ESPL1: variants seen among roughly 807,000 people sequenced by gnomAD.
The protein encoded by ESPL1 is separin.
Under a neutral mutation model 217.2 loss-of-function variants are expected in ESPL1, and 50 were observed. The ratio of observed to expected loss-of-function variants is 0.23; its 90% CI spans 0.18 to 0.29. The LOEUF (loss-of-function observed/expected upper bound fraction) is 0.29. Ranked by LOEUF, ESPL1 falls within the 10% of genes least tolerant of loss-of-function variation. The probability of loss-of-function intolerance (pLI) is 1.00; values close to 1 mark genes in which losing one functional copy is unlikely to be tolerated. For synonymous variants in ESPL1, 994 were observed against 1,081.3 expected, an observed-to-expected ratio of 0.92 and a Z score of 1.58; for missense variants, 1,834 against 2,603.0, an observed-to-expected ratio of 0.70 and a Z score of 6.43.
rs1039218171 is a variant in ESPL1, at chr12:53,270,496, A to G, written c.1248+14A>G. The G allele has an allele frequency of 1.9e-6, 3 of 1,597,698 alleles. No homozygotes were observed. Among genetic ancestry groups the G allele is most frequent in the African/African-American group, 1.3e-5 (1 of 74,666 alleles). ...CAAGGCTGTCAGGTACTGTCTGGGA[A>G]TCAAGGTACCTGGACTAGGCTCATA... is the stretch of plus-strand genomic sequence containing the variant. On this transcript the variant is annotated intron_variant, in intron 4 of 30. Transcript: ENST00000257934.
intron 6 of ESPL1, 78 bp downstream of exon 6, chr12:53,272,935 A>G (rs1943701469): frequency 6.7e-7 from 1 of 1,496,756 alleles, no homozygotes; most frequent in Non-Finnish European, 9.1e-7. Context: ...CCTCACCAGC[A>G]CCCTGCCTTG....
At chr12:53,268,897 G>C in intron 2 of ESPL1, 50 bp downstream of exon 2, 1 of 1,545,168 alleles carries the variant, frequency 6.5e-7, no homozygotes. Flanking sequence ...AAACTGAGCT[G>C]TTTTGTGTTT....
chr12:53,290,154 C>G lies in ESPL1; in HGVS notation c.5183C>G (p.Thr1728Ser). 6.2e-7 allele frequency: 1 copy of G among 1,614,118 alleles called. No individual in the cohort carries two copies. The highest frequency in any genetic ancestry group is 8.5e-7 in the Non-Finnish European group (1 of 1,180,012). The stretch of plus-strand genomic sequence containing the variant: ...ACCGTGGGCAACACCCTCCTGCTGA[C>G]CCGGCTGGAAAAGGACAGTCCCCCA... The part of the protein sequence containing the change: ...PGTVGNTLLL[T>S]RLEKDSPPVS... The change falls in exon 23 of 31, where the codon ACC becomes AGC. Residue 1728 changes from threonine (T) to serine (S), a missense_variant. Around this residue, in one of 5 missense-constraint regions of ESPL1, gnomAD observed 295 missense variants for 519.8 expected, o/e 0.57. Transcript: ENST00000257934.
rs201744934 is a variant in ESPL1 at position 53,286,252 on chromosome 12, G to A, written c.3516G>A (p.Leu1172=). The A allele has an allele frequency of 3.6e-5, 58 of 1,614,092 alleles. No homozygotes were observed. The highest frequency in any genetic ancestry group is 4.7e-5 in the Non-Finnish European group (55 of 1,180,048). The change falls in exon 18 of 31, where the codon CTG becomes CTA. Residue 1172 remains leucine (L), a synonymous_variant. Coordinates refer to ENST00000257934, the MANE Select transcript of ESPL1 (RefSeq NM_012291.5). The surrounding 1 kb of genome is among the most constrained non-coding windows in gnomAD (Gnocchi z 5.3). ...RWVLVTAGVR[L]AMGHQAQGLD... is the part of the protein sequence containing the mutation. ...TATTGGTCACGGCAGGGGTGAGGCT[G>A]GCCATGGGCCACCAAGCCCAGGGTC...
chr12:53,275,552 TG>T (rs1378636314), intron 7 of ESPL1, among the ~76,000 whole-genome samples: 1 of 152,200 alleles, frequency 6.6e-6, no homozygotes, highest in African/African-American at 2.4e-5. Flanking sequence ...TTCATCTTTA[TG>T]TCTGAAAAAT....
rs1273920077 is a variant in ESPL1, at chr12:53,290,485, G to T, written c.5364+16G>T. ...CAGGATGGAGGTGTGTGCTTCTGGG[G>T]TGGGGTCAGGCCTGCTCTAGGAATG... is the stretch of plus-strand genomic sequence containing the variant. On this transcript the variant is annotated intron_variant, in intron 24 of 30. Coordinates refer to ENST00000257934, the MANE Select transcript of ESPL1 (RefSeq NM_012291.5). 1.9e-6 allele frequency: 3 copies of T among 1,611,232 alleles called. No individual in the cohort carries two copies. The highest frequency in any genetic ancestry group is 2.5e-6 in the Non-Finnish European group (3 of 1,178,930).
intron 7 of ESPL1, 74 bp downstream of exon 7, chr12:53,275,084 C>T: frequency 8.1e-7 from 1 of 1,241,526 alleles, no homozygotes; most frequent in South Asian, 1.6e-5. Context: ...GGGTGGATCA[C>T]TTGAGGTCAG....
chr12:53,276,529 G>A, intron 7 of ESPL1, 91 bp from the exon 8 acceptor site: 2 of 1,405,716 alleles, frequency 1.4e-6, no homozygotes, highest in Non-Finnish European at 1.9e-6. Flanking sequence ...TACTGAGCAA[G>A]CCAAGGCTGG....
In ESPL1 at chr12:53,288,291, A is replaced by G. The variant is rs759471812; in HGVS notation, c.4496A>G (p.Lys1499Arg). Residue 1499 changes from lysine (K) to arginine (R), a missense_variant, in exon 19 of 31, where the codon AAA becomes AGA. Transcript: ENST00000257934. ...GAAGAACTGACTGACAACTGGAGAA[A>G]AATGAGCTTTGAGATCCTCAGGGGC... ...PEEELTDNWRKMSFEILRGSD... is the reference protein window; with the variant it reads ...PEEELTDNWRRMSFEILRGSD... 2 of 1,605,252 alleles carry G rather than the reference A, an allele frequency of 1.2e-6. No individual in the cohort carries two copies. The highest frequency in any genetic ancestry group is 1.7e-6 in the Non-Finnish European group (2 of 1,176,536).
At chr12:53,276,051 A>T (rs1024283452) in intron 7 of ESPL1, among the ~76,000 whole-genome samples, 2 of 152,124 alleles carry the variant, frequency 1.3e-5, no homozygotes, top group Non-Finnish European at 2.9e-5. Context: ...TACTTAAAAA[A>T]TATTAGCCGA....
intron 22 of ESPL1, 48 bp downstream of exon 22, chr12:53,289,642 TCTTA>T: frequency 2.0e-6 from 3 of 1,521,766 alleles, no homozygotes; most frequent in Non-Finnish European, 1.8e-6. Context: ...TTCTGCATCT[TCTTA>T]CTTGGGAGCT....
intron 21 of ESPL1, 22 bp from the exon 22 acceptor site, chr12:53,289,382 C>T (rs777984946): frequency 3.1e-6 from 5 of 1,611,196 alleles, no homozygotes; most frequent in Non-Finnish European, 4.2e-6. Flanking sequence ...TGGGACCTCA[C>T]CCCTCCCCGT....
At chr12:53,274,537 G>C in intron 6 of ESPL1, 1 of 314,594 alleles carries the variant, frequency 3.2e-6, no homozygotes. Context: ...TTACTCAGGA[G>C]AAGGCAGTGC....
Position 53,292,522 on chromosome 12 carries a change from C to T in ESPL1, c.5913-52C>T, listed in dbSNP as rs1944081177. The T allele has an allele frequency of 3.3e-6, 5 of 1,514,594 alleles. No individual in the cohort carries two copies. The highest frequency in any genetic ancestry group is 1.4e-5 in the African/African-American group (1 of 73,192). 93.8% of individuals were successfully genotyped at this position (1,514,594 alleles called of 1,614,324 possible). Reference sequence around the variant, plus strand: ...AATGATCCCTCTGCTGTCTTTGCCACCTGACCCCTGCCATGCATTTCCCTA... The same window carrying T: ...AATGATCCCTCTGCTGTCTTTGCCATCTGACCCCTGCCATGCATTTCCCTA... On this transcript the variant is annotated intron_variant, in intron 28 of 30. Coordinates refer to ENST00000257934, the MANE Select transcript of ESPL1 (RefSeq NM_012291.5). This position sits in a 1 kb window ranked among gnomAD's most constrained non-coding sequence, Gnocchi z 4.5.
intron 22 of ESPL1, 70 bp from the exon 23 acceptor site, chr12:53,290,015 T>C: frequency 6.4e-7 from 1 of 1,555,888 alleles, no homozygotes; most frequent in Non-Finnish European, 8.8e-7. Context: ...TGGATAGGAA[T>C]TGAGTGCCCA....
intron 18 of ESPL1, among the ~76,000 whole-genome samples, 183 bp downstream of exon 18, chr12:53,287,095 A>AG (rs1943962016): frequency 6.6e-6 from 1 of 151,946 alleles, no homozygotes; most frequent in Admixed American, 6.6e-5. Flanking sequence ...TTTTTTGAGA[A>AG]GGAGTCTCGC....
Position 53,286,297 on chromosome 12 carries a change from G to T in ESPL1, c.3561G>T (p.Val1187=). ...AGGGTCTGGATCTGCTGCAGGTCGT[G>T]CTGAAGGGCTGTCCTGAAGCCGCTG... ...QAQGLDLLQV[V]LKGCPEAAER... The change falls in exon 18 of 31, where the codon GTG becomes GTT. Residue 1187 remains valine, a synonymous_variant. Coordinates refer to ENST00000257934, the MANE Select transcript of ESPL1 (RefSeq NM_012291.5). This position sits in a 1 kb window ranked among gnomAD's most constrained non-coding sequence, Gnocchi z 5.3. The T allele has an allele frequency of 3.1e-6, 5 of 1,614,174 alleles. No homozygotes were observed. The highest frequency in any genetic ancestry group is 4.2e-6 in the Non-Finnish European group (5 of 1,180,040).
At chr12:53,284,033 G>T in intron 16 of ESPL1, 25 bp from the exon 17 acceptor site, 2 of 1,503,324 alleles carry the variant, frequency 1.3e-6, no homozygotes, top group South Asian at 1.1e-5. Context: ...TCCTCTGATT[G>T]GTTCTCCTCT....
At position 53,269,342 on chromosome 12, in the gene ESPL1, G is replaced by A. The variant is rs1488178776; in HGVS notation, c.400G>A (p.Glu134Lys). ...TGCCTGCTTGGTGCAGTGCTCTCGC[G>A]AGGCTGCTCCCCAGGACTATGAGGC... is the stretch of plus-strand genomic sequence containing the variant. ...LHACLVQCSR[E>K]AAPQDYEAVA... The change falls in exon 3 of 31, where the codon GAG becomes AAG. Residue 134 changes from glutamate to lysine, a missense_variant. Around this residue, in one of 5 missense-constraint regions of ESPL1, gnomAD observed 746 missense variants for 1,077.0 expected, o/e 0.69. Coordinates refer to ENST00000257934, the MANE Select transcript of ESPL1 (RefSeq NM_012291.5). The surrounding 1 kb of genome is among the most constrained non-coding windows in gnomAD (Gnocchi z 6.7). The A allele has an allele frequency of 2.5e-6, 4 of 1,613,948 alleles. No individual in the cohort carries two copies. The highest frequency in any genetic ancestry group is 2.2e-5 in the East Asian group (1 of 44,882).
Sources: gnomAD v4.1 joint callset for allele counts (sites outside exome capture counted in the v4.1 genomes callset) on GRCh38, gnomAD v4.1.1 for gene constraint, gnomAD v4.1.1 regional missense constraint, Gnocchi (gnomAD v3.1) non-coding constraint, MANE v1.5 for transcripts, NCBI Gene and HGNC (gene_info 2026-07-23, HGNC 2026-07-21) for gene names.